The following ANKRD13B variants were observed in gnomAD, a reference collection of about 807,000 sequenced individuals.
ANKRD13B encodes the protein ankyrin repeat domain-containing protein 13B.
ANKRD13B carries 33 observed loss-of-function variants against 74.4 expected under a neutral mutation model. That is an observed-to-expected ratio of 0.44 (90% CI 0.34 to 0.59). ANKRD13B has a LOEUF of 0.59. Among genes scored for constraint, ANKRD13B ranks in the 20% least tolerant of loss-of-function variants. The pLI is 0.02. For missense variants in ANKRD13B, 676 were observed against 877.9 expected (o/e 0.77, Z 2.91); for synonymous variants, 341 against 362.9 (o/e 0.94, Z 0.68).
rs1489438407 is a variant in ANKRD13B at position 29,611,887 on chromosome 17, T to C, written c.981T>C (p.Thr327=). The part of the protein sequence containing the change: ...HGGPQNGTLI[T]QTLSQANPTA... Reference sequence around the variant, plus strand: ...CCCATGTGGTACAGACCCTGATCACTCAGACTCTGAGCCAAGCCAACCCCA... The same window carrying C: ...CCCATGTGGTACAGACCCTGATCACCCAGACTCTGAGCCAAGCCAACCCCA... The change falls in exon 10 of 15, where the codon ACT becomes ACC. Residue 327 remains threonine, a synonymous_variant. Coordinates refer to ENST00000394859, the MANE Select transcript of ANKRD13B (RefSeq NM_152345.5). The surrounding 1 kb of genome is among the most constrained non-coding windows in gnomAD (Gnocchi z 4.3). The C allele has an allele frequency of 8.7e-6, 14 of 1,611,048 alleles. No individual in the cohort carries two copies. Among genetic ancestry groups the C allele is most frequent in the Non-Finnish European group, 1.1e-5 (13 of 1,178,292 alleles).
At position 29,610,772 on chromosome 17, in the gene ANKRD13B, G is replaced by C; in HGVS notation, c.904+6G>C. On this transcript the variant is annotated splice_donor_region_variant and intron_variant, in intron 8 of 14. Transcript: ENST00000394859. ...GCACAAGGGCAAGGTCAAAGGTAAT[G>C]AGGCAGAGCTGGATGGGGAGAGGTG... The C allele has an allele frequency of 1.2e-6, 2 of 1,613,700 alleles. No individual in the cohort carries two copies. The highest frequency in any genetic ancestry group is 1.7e-6 in the Non-Finnish European group (2 of 1,179,758).
Position 29,608,716 on chromosome 17 carries a change from TG to T in ANKRD13B, c.422-133del. On this transcript the variant is annotated intron_variant, in intron 4 of 14. Coordinates refer to ENST00000394859, the MANE Select transcript of ANKRD13B (RefSeq NM_152345.5). This position sits in a 1 kb window ranked among gnomAD's most constrained non-coding sequence, Gnocchi z 6.4. Reference sequence around the variant, plus strand: ...TCTACACTGGCCAGGGAGGGGGTTTTGGAGGAGAGGCTGCTCTCTCTTCAGT... The same window carrying T: ...TCTACACTGGCCAGGGAGGGGGTTTTGAGGAGAGGCTGCTCTCTCTTCAGT... The T allele has an allele frequency of 1.2e-5, 15 of 1,265,614 alleles. No individual in the cohort carries two copies. Among genetic ancestry groups the T allele is most frequent in the Non-Finnish European group, 1.6e-5 (15 of 925,744 alleles). The allele number at this position is 1,265,614 out of a possible 1,614,324, so 78.4% of individuals were successfully genotyped here.
chr17:29,604,201 T>C (rs764182681), intron 1 of ANKRD13B, among the ~76,000 whole-genome samples: 4 of 152,036 alleles, frequency 2.6e-5, no homozygotes, highest in Non-Finnish European at 5.9e-5. Flanking sequence ...GCAAATCAGT[T>C]TGACCTTTTT....
rs1291433621 is a variant in ANKRD13B at position 29,604,821 on chromosome 17, G to A, written c.115-2921G>A. Reference sequence around the variant, plus strand: ...GCCTCCCAAAGTGCTGGGATTACAGGCATGAGCCACTGCACCCGGCCTGAG... The same window carrying A: ...GCCTCCCAAAGTGCTGGGATTACAGACATGAGCCACTGCACCCGGCCTGAG... On this transcript the variant is annotated intron_variant, in intron 1 of 14. Transcript: ENST00000394859. 2.0e-5 allele frequency among the ~76,000 whole-genome samples: 3 copies of A among 152,340 alleles called. No individual in the cohort carries two copies. The East Asian group carries it at 5.8e-4, about 29-fold the overall frequency.
intron 1 of ANKRD13B, among the ~76,000 whole-genome samples, chr17:29,605,860 G>A (rs1284880861): frequency 3.3e-5 from 5 of 151,850 alleles, no homozygotes; most frequent in South Asian, 2.1e-4. Context: ...TTTTACTGGC[G>A]TTTTAATCAA....
chr17:29,594,013 C>T lies in ANKRD13B; in HGVS notation c.114+278C>T, dbSNP rs1379179931. 9 of 194,510 alleles carry T rather than the reference C, an allele frequency of 4.6e-5. No individual in the cohort carries two copies. In the South Asian group the frequency reaches 1.1e-3, roughly 24 times the overall value. 12.0% of individuals were successfully genotyped at this position (194,510 alleles called of 1,614,324 possible). ...GAGGGCTGCAGGGAGGGGCTGCGGG[C>T]TGTGTCGGTGTTCCATGTGGTGGGA... On this transcript the variant is annotated intron_variant, in intron 1 of 14. Transcript: ENST00000394859.
rs780837053 is a variant in ANKRD13B at position 29,608,766 on chromosome 17, C to T, written c.422-85C>T. The T allele has an allele frequency of 5.7e-5, 88 of 1,548,858 alleles. No individual in the cohort carries two copies. Among genetic ancestry groups the T allele is most frequent in the Non-Finnish European group, 6.9e-5 (79 of 1,139,302 alleles). ...GTTCCCTCCCCTGTTCCTGGCCACA[C>T]GGATCCCAAACCCCATGCCCTGAGC... On this transcript the variant is annotated intron_variant, in intron 4 of 14. Transcript: ENST00000394859. The surrounding 1 kb of genome is among the most constrained non-coding windows in gnomAD (Gnocchi z 6.4).
Position 29,612,700 on chromosome 17 carries a change from G to C in ANKRD13B, c.1460G>C (p.Arg487Pro), listed in dbSNP as rs773182372. ...EISPALFEAPRGYSMMGGQRE... is the reference protein window; with the variant it reads ...EISPALFEAPPGYSMMGGQRE... The stretch of plus-strand genomic sequence containing the variant: ...TCCCCAGCGTTGTTCGAGGCCCCGC[G>C]CGGCTACAGCATGATGGGCGGCCAG... Residue 487 changes from arginine (R) to proline (P), a missense_variant, in exon 13 of 15, where the codon CGC becomes CCC. Physicochemically the swap from Arg to Pro is moderately radical, Grantham distance 103. This residue lies in a region of ANKRD13B where 152 missense variants were observed against 181.4 expected (regional missense o/e 0.84). Transcript: ENST00000394859. This position sits in a 1 kb window ranked among gnomAD's most constrained non-coding sequence, Gnocchi z 6.1. 6.3e-7 allele frequency: 1 copy of C among 1,595,640 alleles called. No homozygotes were observed. Among genetic ancestry groups the C allele is most frequent in the South Asian group, 1.1e-5 (1 of 89,756 alleles).
chr17:29,597,717 C>T (rs990138367), intron 1 of ANKRD13B, among the ~76,000 whole-genome samples: 8 of 152,222 alleles, frequency 5.3e-5, no homozygotes, highest in South Asian at 4.2e-4. Flanking sequence ...ACACTGCAGG[C>T]GGCACTCTGG....
In ANKRD13B at chr17:29,609,114, C is replaced by T. The variant is rs1163780424; in HGVS notation, c.594C>T (p.Asp198=). Residue 198 remains aspartate (D), a synonymous_variant, in exon 6 of 15, where the codon GAC becomes GAT. Coordinates refer to ENST00000394859, the MANE Select transcript of ANKRD13B (RefSeq NM_152345.5). The surrounding 1 kb of genome is among the most constrained non-coding windows in gnomAD (Gnocchi z 4.0). ...CAAGCGCCGTGGTCATGGAGATTGA[C>T]CACGACCGCCGGGTGGTGTACACAG... ...QDTSAVVMEI[D]HDRRVVYTET... 3 of 1,610,964 alleles carry T rather than the reference C, an allele frequency of 1.9e-6. No individual in the cohort carries two copies. Among genetic ancestry groups the T allele is most frequent in the Non-Finnish European group, 2.5e-6 (3 of 1,179,884 alleles).
In ANKRD13B at chr17:29,609,070, G is replaced by A. The variant is rs938433950; in HGVS notation, c.566-16G>A. 6 of 1,611,370 alleles carry A rather than the reference G, an allele frequency of 3.7e-6. No individual in the cohort carries two copies. Among genetic ancestry groups the A allele is most frequent in the Non-Finnish European group, 5.1e-6 (6 of 1,179,570 alleles). ...AGGCCACCCCTGATCCCCCTGTGCT[G>A]TTCCGTGTCTGGCAGACACAAGCGC... On this transcript the variant is annotated splice_polypyrimidine_tract_variant and intron_variant, in intron 5 of 14. Coordinates refer to ENST00000394859, the MANE Select transcript of ANKRD13B (RefSeq NM_152345.5). This position sits in a 1 kb window ranked among gnomAD's most constrained non-coding sequence, Gnocchi z 4.0.
rs141001115 is a variant in ANKRD13B at position 29,602,468 on chromosome 17, G to A, written c.115-5274G>A. 3.9e-3 allele frequency among the ~76,000 whole-genome samples: 586 copies of A among 152,160 alleles called. 5 individuals are homozygous for A. Among genetic ancestry groups the A allele is most frequent in the Middle Eastern group, 0.02 (6 of 294 alleles). On this transcript the variant is annotated intron_variant, in intron 1 of 14. Transcript: ENST00000394859. ...TACAAATTTGAGATGTTGGCAGGGT[G>A]GCAGTCCTTCCAAAGGCTCTAGGGA...
intron 1 of ANKRD13B, among the ~76,000 whole-genome samples, chr17:29,602,891 G>A (rs1025890547): frequency 7.9e-5 from 12 of 152,030 alleles, no homozygotes; most frequent in Admixed American, 5.9e-4. Context: ...TCCCTCTGTC[G>A]CCCAAGCTGG....
In ANKRD13B at chr17:29,608,782, T is replaced by A; in HGVS notation, c.422-69T>A. 6.3e-7 allele frequency: 1 copy of A among 1,590,746 alleles called. No homozygotes were observed. The highest frequency in any genetic ancestry group is 8.6e-7 in the Non-Finnish European group (1 of 1,165,590). On this transcript the variant is annotated intron_variant, in intron 4 of 14. Transcript: ENST00000394859. The surrounding 1 kb of genome is among the most constrained non-coding windows in gnomAD (Gnocchi z 6.4). ...CTGGCCACACGGATCCCAAACCCCA[T>A]GCCCTGAGCTGGTCCAGGCCGTGTA...
chr17:29,599,865 G>GTTGTTTTTTTTT (rs2034090930), intron 1 of ANKRD13B, among the ~76,000 whole-genome samples: 20 of 50,770 alleles, frequency 3.9e-4, no homozygotes, highest in African/African-American at 1.4e-3. Flanking sequence ...CATCTAATTT[G>GTTGTTTTTTTTT]TTTTTTTTTT....
chr17:29,612,800 C>T lies in ANKRD13B; in HGVS notation c.1560C>T (p.Gly520=). ...FAIQQSLLEA[G]SEYDQVTIWE... ...TCCAGCAGAGCCTGCTTGAGGCGGG[C>T]AGTGAGTATGACCAGGTGCGTCTCC... The change falls in exon 13 of 15, where the codon GGC becomes GGT. Residue 520 remains glycine (G), a synonymous_variant. Coordinates refer to ENST00000394859, the MANE Select transcript of ANKRD13B (RefSeq NM_152345.5). The surrounding 1 kb of genome is among the most constrained non-coding windows in gnomAD (Gnocchi z 6.1). The T allele has an allele frequency of 1.9e-6, 3 of 1,602,966 alleles. No homozygotes were observed. Among genetic ancestry groups the T allele is most frequent in the Non-Finnish European group, 2.5e-6 (3 of 1,178,522 alleles).
intron 1 of ANKRD13B, among the ~76,000 whole-genome samples, chr17:29,604,956 C>A (rs535378889): frequency 7.2e-5 from 11 of 152,324 alleles, no homozygotes; most frequent in Non-Finnish European, 1.5e-4. Context: ...TATGCATCTC[C>A]ACTCTAGGAG....
At position 29,612,354 on chromosome 17, in the gene ANKRD13B, AGGTGTGAG is replaced by A. The variant is rs2034610766; in HGVS notation, c.1259-45_1259-38del. ...TGAGGTCGGGGTGGGGCTGAGGCTGAGGTGTGAGGGGCTGAGTGGTGGCGCCTAAAGGT... is the reference window on the plus strand; with the variant it reads ...TGAGGTCGGGGTGGGGCTGAGGCTGAGGGCTGAGTGGTGGCGCCTAAAGGT... On this transcript the variant is annotated intron_variant, in intron 11 of 14. Transcript: ENST00000394859. The surrounding 1 kb of genome is among the most constrained non-coding windows in gnomAD (Gnocchi z 6.1). The A allele has an allele frequency of 6.2e-7, 1 of 1,610,902 alleles. No homozygotes were observed. The highest frequency in any genetic ancestry group is 1.3e-5 in the African/African-American group (1 of 74,888).
At chr17:29,613,077 A>G (rs2034659811) in intron 14 of ANKRD13B, 114 bp downstream of exon 14, 2 of 1,398,528 alleles carry the variant, frequency 1.4e-6, no homozygotes, top group African/African-American at 2.9e-5. Context: ...TGGTATCGGG[A>G]TGGCTTCTGC....
Sources: allele counts gnomAD v4.1 joint callset (sites outside exome capture counted in the v4.1 genomes callset), GRCh38; gene constraint gnomAD v4.1.1; regional missense constraint gnomAD v4.1.1; non-coding constraint Gnocchi (gnomAD v3.1); transcripts MANE v1.5; gene names NCBI Gene and HGNC (gene_info 2026-07-23, HGNC 2026-07-21).